The following WNT7A variants were observed in gnomAD, a reference collection of about 807,000 sequenced individuals.
The protein encoded by WNT7A is protein Wnt-7a.
WNT7A carries 16 observed loss-of-function variants against 28.2 expected under a neutral mutation model. The ratio of observed to expected loss-of-function variants is 0.57; its 90% CI spans 0.38 to 0.86. The LOEUF (loss-of-function observed/expected upper bound fraction) is 0.86. WNT7A is among the 40% of genes least tolerant of loss of function. The pLI, the probability that WNT7A is intolerant of heterozygous loss-of-function variation, is 0.00. For missense variants in WNT7A, 411 were observed against 489.7 expected (o/e 0.84, Z 1.52); for synonymous variants, 190 against 195.9 (o/e 0.97, Z 0.25).
intron 2 of WNT7A, among the ~76,000 whole-genome samples, chr3:13,864,076 G>C (rs900030557): frequency 4.6e-5 from 7 of 152,140 alleles, no homozygotes; most frequent in East Asian, 1.9e-4. Flanking sequence ...ATTCCGGCAG[G>C]GGGGTACCAA....
chr3:13,845,848 C>T (rs984316187), intron 3 of WNT7A, among the ~76,000 whole-genome samples: 1 of 152,218 alleles, frequency 6.6e-6, no homozygotes, highest in Non-Finnish European at 1.5e-5. Flanking sequence ...GCGAGTCTCA[C>T]GACTACCTGG....
At chr3:13,856,962 GAA>G (rs1559303374) in intron 2 of WNT7A, among the ~76,000 whole-genome samples, 64 of 122,874 alleles carry the variant, frequency 5.2e-4, no homozygotes, top group Non-Finnish European at 7.3e-4. Context: ...AGAAGAAGAA[GAA>G]GAAGGAGAAG....
rs147385150 is a variant in WNT7A, at chr3:13,829,561, C to T, written c.571-10138G>A. Among the ~76,000 whole-genome samples, 1,271 of 152,218 alleles carry T rather than the reference C, an allele frequency of 8.3e-3. 16 individuals carry two copies. Among genetic ancestry groups the T allele is most frequent in the African/African-American group, 0.029 (1,212 of 41,512 alleles). ...GGGCAGGGAGAGCGGCGCTGTGGGG[C>T]GGAAGGAGCCATCGGATGGAGGTCC... On this transcript the variant is annotated intron_variant, in intron 3 of 3. Transcript: ENST00000285018.
intron 1 of WNT7A, among the ~76,000 whole-genome samples, chr3:13,879,051 G>A (rs1197671602): frequency 6.6e-6 from 1 of 152,192 alleles, no homozygotes; most frequent in Non-Finnish European, 1.5e-5. Context: ...TCTCTCTAGC[G>A]CTTGTCTCCC....
intron 2 of WNT7A, among the ~76,000 whole-genome samples, chr3:13,862,314 C>G (rs1287211920): frequency 1.3e-5 from 2 of 152,350 alleles, no homozygotes; most frequent in Non-Finnish European, 1.5e-5. Context: ...AACTGATGTC[C>G]AAGCCTGCCC....
intron 2 of WNT7A, among the ~76,000 whole-genome samples, chr3:13,856,972 A>AAGG (rs1559303401): frequency 1.1e-4 from 13 of 120,746 alleles, no homozygotes; most frequent in East Asian, 6.6e-4. Flanking sequence ...GAAGAAGGAG[A>AAGG]AGAAGAAGAA....
intron 3 of WNT7A, among the ~76,000 whole-genome samples, chr3:13,839,014 A>G (rs1226146502): frequency 2.6e-5 from 4 of 152,238 alleles, no homozygotes; most frequent in Admixed American, 2.6e-4. Context: ...TATGTAATCA[A>G]TATCAGATAG....
At chr3:13,828,601 C>T (rs1287585972) in intron 3 of WNT7A, among the ~76,000 whole-genome samples, 1 of 152,176 alleles carries the variant, frequency 6.6e-6, no homozygotes, top group African/African-American at 2.4e-5. Flanking sequence ...TGGCATGGCG[C>T]AGGTCTGGGG....
Position 13,819,053 on chromosome 3 carries a change from T to C in WNT7A, c.941A>G (p.Asn314Ser). ...CCACACGCGGGCGTACTGGTGGGTG[T>C]TGTAGCCACGCCCACAGCACATGAG... ...CDLMCCGRGY[N>S]THQYARVWQC... Residue 314 changes from asparagine to serine, a missense_variant, in exon 4 of 4, where the codon AAC becomes AGC. Physicochemically the swap from Asn to Ser is conservative, Grantham distance 46 (BLOSUM62 1). Transcript: ENST00000285018. The C allele has an allele frequency of 6.2e-7, 1 of 1,613,912 alleles. No homozygotes were observed. The highest frequency in any genetic ancestry group is 8.5e-7 in the Non-Finnish European group (1 of 1,179,836).
intron 2 of WNT7A, among the ~76,000 whole-genome samples, chr3:13,856,963 A>AGAAGGAGAAGG (rs1694752986): frequency 1.7e-5 from 2 of 115,302 alleles, no homozygotes; most frequent in Non-Finnish European, 3.4e-5. Flanking sequence ...GAAGAAGAAG[A>AGAAGGAGAAGG]AGAAGGAGAA....
intron 1 of WNT7A, 136 bp from the exon 2 acceptor site, chr3:13,875,309 C>A: frequency 1.3e-6 from 1 of 778,790 alleles, no homozygotes. Context: ...TCCTGCACCC[C>A]TAACTCATGT....
intron 3 of WNT7A, among the ~76,000 whole-genome samples, chr3:13,841,847 G>A (rs1485107680): frequency 1.3e-5 from 2 of 152,234 alleles, no homozygotes; most frequent in African/African-American, 4.8e-5. Flanking sequence ...AGGAAGCAGC[G>A]AGACAGACTG....
chr3:13,860,134 T>C (rs1694804515), intron 2 of WNT7A, among the ~76,000 whole-genome samples: 1 of 152,142 alleles, frequency 6.6e-6, no homozygotes, highest in African/African-American at 2.4e-5. Context: ...TCCGGACCCA[T>C]GCTTGGTCCT....
intron 3 of WNT7A, among the ~76,000 whole-genome samples, chr3:13,837,163 C>A (rs567796253): frequency 6.6e-6 from 1 of 152,166 alleles, no homozygotes; most frequent in Non-Finnish European, 1.5e-5. Flanking sequence ...TGCCTCTCAG[C>A]CCCGCCAAAA....
Position 13,817,505 on chromosome 3 carries a change from C to T in WNT7A, c.*1439G>A, listed in dbSNP as rs1694025429. On this transcript the variant is annotated 3_prime_UTR_variant, in exon 4 of 4. Transcript: ENST00000285018. Reference sequence around the variant, plus strand: ...CAAACGGACACATATTAGAACACCCCCAGCCTGCTGGAGGACAGCTTTCTA... The same window carrying T: ...CAAACGGACACATATTAGAACACCCTCAGCCTGCTGGAGGACAGCTTTCTA... The T allele has an allele frequency of 6.5e-6, 1 of 153,126 alleles. No individual in the cohort carries two copies. The highest frequency in any genetic ancestry group is 2.1e-4 in the South Asian group (1 of 4,834). 9.5% of individuals were successfully genotyped at this position (153,126 alleles called of 1,614,324 possible).
intron 3 of WNT7A, among the ~76,000 whole-genome samples, chr3:13,830,401 C>A (rs1022850779): frequency 1.3e-5 from 2 of 152,106 alleles, no homozygotes; most frequent in Non-Finnish European, 2.9e-5. Context: ...CTCTCCTGTG[C>A]CCCATGCCCC....
intron 3 of WNT7A, among the ~76,000 whole-genome samples, chr3:13,845,854 C>A (rs1483619530): frequency 6.6e-6 from 1 of 152,232 alleles, no homozygotes; most frequent in African/African-American, 2.4e-5. Flanking sequence ...CTCACGACTA[C>A]CTGGAAGGAT....
chr3:13,839,836 A>G (rs1694428164), intron 3 of WNT7A, among the ~76,000 whole-genome samples: 1 of 152,144 alleles, frequency 6.6e-6, no homozygotes, highest in African/African-American at 2.4e-5. Flanking sequence ...TGAGTTGTAA[A>G]CCATTGAGAG....
At chr3:13,856,367 T>C (rs1021520373) in intron 2 of WNT7A, among the ~76,000 whole-genome samples, 6 of 152,242 alleles carry the variant, frequency 3.9e-5, no homozygotes, top group African/African-American at 1.4e-4. Flanking sequence ...CAGAAATGCA[T>C]AGCCAGTGCC....
Sources: gnomAD v4.1 joint callset for allele counts (sites outside exome capture counted in the v4.1 genomes callset) on GRCh38, gnomAD v4.1.1 for gene constraint, MANE v1.5 for transcripts, NCBI Gene and HGNC (gene_info 2026-07-23, HGNC 2026-07-21) for gene names.